The following FMN2 variants were observed in gnomAD, a reference collection of about 807,000 sequenced individuals.
FMN2 encodes formin-2.
A neutral mutation model predicts 142.3 loss-of-function variants in FMN2; 51 were observed. The ratio of observed to expected loss-of-function variants is 0.36; its 90% CI spans 0.29 to 0.45. FMN2 has a LOEUF of 0.45. Ranked by LOEUF, FMN2 falls within the 20% of genes least tolerant of loss-of-function variation. FMN2 has a pLI of 1.00. For missense variants in FMN2, 1,936 were observed against 2,122.8 expected (o/e 0.91, Z 1.73); for synonymous variants, 882 against 869.8 (o/e 1.01, Z -0.25).
chr1:240,358,169 T>G (rs936413845), intron 14 of FMN2, among the ~76,000 whole-genome samples: 2 of 152,232 alleles, frequency 1.3e-5, no homozygotes, highest in South Asian at 2.1e-4. Flanking sequence ...AAAATTCTTT[T>G]AATGCTTTCA....
intron 7 of FMN2, among the ~76,000 whole-genome samples, chr1:240,288,462 G>A (rs1669665382): frequency 6.6e-6 from 1 of 152,092 alleles, no homozygotes; most frequent in African/African-American, 2.4e-5. Context: ...ATTAACACAA[G>A]GTAGAGACCC....
intron 2 of FMN2, among the ~76,000 whole-genome samples, chr1:240,153,440 AGC>A (rs1458662679): frequency 1.2e-4 from 16 of 139,118 alleles, no homozygotes; most frequent in Admixed American, 5.7e-4. Flanking sequence ...AGCTCACTGC[AGC>A]CTTAACCTCC....
intron 1 of FMN2, among the ~76,000 whole-genome samples, chr1:240,098,941 T>C (rs1250991610): frequency 6.6e-6 from 1 of 152,174 alleles, no homozygotes; most frequent in Non-Finnish European, 1.5e-5. Context: ...AAATATACAG[T>C]TGGATGAAGG....
chr1:240,446,895 G>T (rs538927760), intron 16 of FMN2, among the ~76,000 whole-genome samples: 1 of 152,240 alleles, frequency 6.6e-6, no homozygotes, highest in Non-Finnish European at 1.5e-5. Context: ...TCGACTTTAG[G>T]ATTTCAGCTT....
chr1:240,317,224 G>A (rs1005652898), intron 8 of FMN2, among the ~76,000 whole-genome samples: 3 of 152,000 alleles, frequency 2.0e-5, no homozygotes, highest in African/African-American at 7.2e-5. Context: ...GCTAAGGCAG[G>A]AGAATTGCTT....
chr1:240,168,641 T>A (rs1430926803), intron 2 of FMN2, among the ~76,000 whole-genome samples: 1 of 152,120 alleles, frequency 6.6e-6, no homozygotes, highest in Admixed American at 6.6e-5. Context: ...ATAGTAATAA[T>A]GTGTTTATTG....
At chr1:240,467,700 C>A (rs1676668533) in intron 16 of FMN2, among the ~76,000 whole-genome samples, 1 of 152,194 alleles carries the variant, frequency 6.6e-6, no homozygotes, top group Admixed American at 6.5e-5. Flanking sequence ...ATTAATCTCA[C>A]TGTTTCTGAG....
rs557227008 is a variant in FMN2 at position 240,095,547 on chromosome 1, G to A, written c.1615+1823G>A. 4.6e-5 allele frequency among the ~76,000 whole-genome samples: 7 copies of A among 152,204 alleles called. No individual in the cohort carries two copies. The South Asian group carries it at 1.5e-3, about 32-fold the overall frequency. On this transcript the variant is annotated intron_variant, in intron 1 of 17. Coordinates refer to ENST00000319653, the MANE Select transcript of FMN2 (RefSeq NM_020066.5). ...AAGGCTCGCTGACTAGTGAGGAGGA[G>A]ACATGACATAAGTGCAGTGCACAGA...
chr1:240,423,527 G>C lies in FMN2; in HGVS notation c.4911-14534G>C, dbSNP rs75557935. ...TTATGATCTTGGTTCTGCCTATATG[G>C]ATTAAATTAAGTTATACATGTGCAA... On this transcript the variant is annotated intron_variant, in intron 15 of 17. Transcript: ENST00000319653. Among the ~76,000 whole-genome samples, 35 of 152,280 alleles carry C rather than the reference G, an allele frequency of 2.3e-4. No individual in the cohort carries two copies. The East Asian group carries it at 6.0e-3, about 26-fold the overall frequency.
intron 2 of FMN2, chr1:240,144,823 C>A: frequency 1.4e-6 from 2 of 1,437,520 alleles, no homozygotes; most frequent in Non-Finnish European, 2.0e-6. Flanking sequence ...CCAGAGTGAG[C>A]AGTGGCTCCT....
At chr1:240,391,232 T>C (rs1572259927) in intron 14 of FMN2, among the ~76,000 whole-genome samples, 1 of 152,202 alleles carries the variant, frequency 6.6e-6, no homozygotes, top group East Asian at 1.9e-4. Context: ...AAATGATCCC[T>C]GTGAAATCCT....
intron 1 of FMN2, among the ~76,000 whole-genome samples, chr1:240,117,491 G>A (rs1186438807): frequency 6.6e-6 from 1 of 152,202 alleles, no homozygotes; most frequent in Non-Finnish European, 1.5e-5. Flanking sequence ...GCGTGGTGGA[G>A]GGAGAGAGGG....
intron 1 of FMN2, among the ~76,000 whole-genome samples, chr1:240,116,271 C>T (rs1662017602): frequency 6.6e-6 from 1 of 152,170 alleles, no homozygotes; most frequent in Non-Finnish European, 1.5e-5. Flanking sequence ...TGCATTCCGT[C>T]CAGGTATGGG....
chr1:240,271,061 A>G (rs557970353), intron 7 of FMN2, among the ~76,000 whole-genome samples: 1 of 138,436 alleles, frequency 7.2e-6, no homozygotes, highest in African/African-American at 2.8e-5. Context: ...AAAATCTGCA[A>G]ATAACCCTTT....
At chr1:240,219,115 C>A (rs761831387) in intron 6 of FMN2, among the ~76,000 whole-genome samples, 2 of 152,170 alleles carry the variant, frequency 1.3e-5, no homozygotes, top group Non-Finnish European at 2.9e-5. Context: ...GGCTTGCGTG[C>A]TTCTGTCTGG....
intron 7 of FMN2, among the ~76,000 whole-genome samples, chr1:240,292,202 G>GA (rs1669817652): frequency 1.3e-5 from 2 of 152,048 alleles, no homozygotes; most frequent in Non-Finnish European, 2.9e-5. Context: ...TCTTTCCTCC[G>GA]AAACAAGGCT....
chr1:240,310,325 C>T (rs948151778), intron 8 of FMN2, among the ~76,000 whole-genome samples: 2 of 152,152 alleles, frequency 1.3e-5, no homozygotes, highest in Non-Finnish European at 2.9e-5. Flanking sequence ...TCTATTTGAT[C>T]TCTGTGAAAC....
chr1:240,388,094 C>A (rs548439779), intron 14 of FMN2, among the ~76,000 whole-genome samples: 1 of 144,340 alleles, frequency 6.9e-6, no homozygotes, highest in South Asian at 2.3e-4. Flanking sequence ...AGGAGAATGG[C>A]GTGAACCCAG....
chr1:240,141,232 CT>C (rs1663168305), intron 2 of FMN2, among the ~76,000 whole-genome samples: 1 of 152,114 alleles, frequency 6.6e-6, no homozygotes, highest in South Asian at 2.1e-4. Flanking sequence ...GTCAGGGATA[CT>C]TTTAAGAAAA....
Sources: allele counts gnomAD v4.1 joint callset (sites outside exome capture counted in the v4.1 genomes callset), GRCh38; gene constraint gnomAD v4.1.1; transcripts MANE v1.5; gene names NCBI Gene and HGNC (gene_info 2026-07-23, HGNC 2026-07-21).